The following RPGRIP1L variants were observed in gnomAD, a reference collection of about 807,000 sequenced individuals.
RPGRIP1L encodes the protein RPGRIP1 like.
RPGRIP1L carries 131 observed loss-of-function variants against 160.4 expected under a neutral mutation model. The observed-to-expected ratio is 0.82, with a 90% confidence interval of 0.71 to 0.94. RPGRIP1L has a LOEUF of 0.94. Among genes scored for constraint, RPGRIP1L ranks in the 40% least tolerant of loss-of-function variants. The pLI is 0.00. For synonymous variants in RPGRIP1L, 510 were observed against 515.8 expected, an observed-to-expected ratio of 0.99 and a Z score of 0.15; for missense variants, 1,522 against 1,535.8, an observed-to-expected ratio of 0.99 and a Z score of 0.15.
Position 53,658,803 on chromosome 16 carries a change from T to C in RPGRIP1L, c.1319A>G (p.Glu440Gly). 1 of 1,607,758 alleles carries C rather than the reference T, an allele frequency of 6.2e-7. No homozygotes were observed. Among genetic ancestry groups the C allele is most frequent in the Non-Finnish European group, 8.5e-7 (1 of 1,175,982 alleles). Reference sequence around the variant, plus strand: ...GTACAATTTTATGCGTTTTTTAAGTTCATCAAGTTGTTGCTTTTGTTCCAG... The same window carrying C: ...GTACAATTTTATGCGTTTTTTAAGTCCATCAAGTTGTTGCTTTTGTTCCAG... ...QYLEQKQQLD[E>G]LKKRIKLYNQ... The change falls in exon 11 of 27, where the codon GAA becomes GGA. Residue 440 changes from glutamate (E) to glycine (G), a missense_variant. By Grantham distance (98) the Glu-to-Gly change is moderately conservative. Transcript: ENST00000647211.
At chr16:53,630,181 A>T (rs952276460) in intron 22 of RPGRIP1L, among the ~76,000 whole-genome samples, 11 of 152,088 alleles carry the variant, frequency 7.2e-5, no homozygotes, top group African/African-American at 2.4e-4. Flanking sequence ...AGTAGCTAGG[A>T]CTACAAGCAT....
chr16:53,618,568 G>A (rs1401960942), intron 24 of RPGRIP1L, among the ~76,000 whole-genome samples: 1 of 151,964 alleles, frequency 6.6e-6, no homozygotes, highest in East Asian at 1.9e-4. Context: ...TTTTGAGACA[G>A]GGTCTCACTT....
At chr16:53,640,074 G>C (rs777174899) in intron 19 of RPGRIP1L, among the ~76,000 whole-genome samples, 9 of 152,158 alleles carry the variant, frequency 5.9e-5, no homozygotes, top group Non-Finnish European at 1.3e-4. Flanking sequence ...TCTGAATACA[G>C]TATATATTTT....
chr16:53,688,046 TATAATAAAATCTCTTAAGTATTAAGAG>T, intron 4 of RPGRIP1L, 81 bp from the exon 5 acceptor site: 1 of 865,370 alleles, frequency 1.2e-6, no homozygotes, highest in Non-Finnish European at 1.9e-6. Context: ...TAAGGATATT[TATAATAAAATCTCTTAAGTATTAAGAG>T]GTATGTGTTT....
rs1301366385 is a variant in RPGRIP1L, at chr16:53,700,624, A to G, written c.85+15T>C. On this transcript the variant is annotated intron_variant, in intron 2 of 26. Coordinates refer to ENST00000647211, the MANE Select transcript of RPGRIP1L (RefSeq NM_015272.5). The stretch of plus-strand genomic sequence containing the variant: ...ATCAAAGTTCATAACTGTAATAAAT[A>G]ACAGCTGGCCATACCTTGTAACCCT... The G allele has an allele frequency of 6.3e-7, 1 of 1,592,124 alleles. No homozygotes were observed. Among genetic ancestry groups the G allele is most frequent in the Admixed American group, 1.7e-5 (1 of 59,718 alleles).
intron 2 of RPGRIP1L, among the ~76,000 whole-genome samples, chr16:53,698,293 C>A (rs1482837468): frequency 3.3e-5 from 5 of 150,572 alleles, no homozygotes; most frequent in African/African-American, 9.8e-5. Flanking sequence ...CCCGCCAGGC[C>A]AGCCGCCCCG....
chr16:53,697,920 C>T (rs555291816), intron 2 of RPGRIP1L, among the ~76,000 whole-genome samples: 4 of 150,402 alleles, frequency 2.7e-5, no homozygotes, highest in Admixed American at 6.6e-5. Context: ...AAGTGAGGAG[C>T]GCCTCTTCCC....
intron 22 of RPGRIP1L, among the ~76,000 whole-genome samples, chr16:53,625,213 G>A (rs980447038): frequency 8.6e-5 from 13 of 151,654 alleles, no homozygotes; most frequent in Non-Finnish European, 1.9e-4. Flanking sequence ...GAGCGTCTCT[G>A]CCTGGCCACC....
At chr16:53,625,874 T>C (rs905935790) in intron 22 of RPGRIP1L, among the ~76,000 whole-genome samples, 2 of 152,040 alleles carry the variant, frequency 1.3e-5, no homozygotes, top group South Asian at 4.1e-4. Flanking sequence ...ACATGTGCTG[T>C]GTCAACTCAG....
chr16:53,702,806 C>A (rs1407328704), intron 1 of RPGRIP1L, among the ~76,000 whole-genome samples: 1 of 151,900 alleles, frequency 6.6e-6, no homozygotes, highest in African/African-American at 2.4e-5. Context: ...GTGCGTGCCA[C>A]CAAGCATGGC....
rs541614933 is a variant in RPGRIP1L, at chr16:53,600,866, T to C, written c.*1210A>G. The C allele has an allele frequency of 1.3e-5, 2 of 152,746 alleles. No homozygotes were observed. The highest frequency in any genetic ancestry group is 2.9e-5 in the Non-Finnish European group (2 of 68,030). The allele number at this position is 152,746 out of a possible 1,614,324, so 9.5% of individuals were successfully genotyped here. A position where few individuals can be genotyped will look rare whatever the true frequency, so the allele number is the denominator to read the frequency against. On this transcript the variant is annotated 3_prime_UTR_variant, in exon 27 of 27. Coordinates refer to ENST00000647211, the MANE Select transcript of RPGRIP1L (RefSeq NM_015272.5). Reference sequence around the variant, plus strand: ...ATCACTGAAGCAGAGATTTAATATATCACGGCAAATTAGGTAGATTTTAAT... The same window carrying C: ...ATCACTGAAGCAGAGATTTAATATACCACGGCAAATTAGGTAGATTTTAAT...
intron 7 of RPGRIP1L, among the ~76,000 whole-genome samples, chr16:53,673,348 T>C (rs1443373771): frequency 2.6e-5 from 4 of 152,276 alleles, no homozygotes; most frequent in East Asian, 3.9e-4. Flanking sequence ...TGTGGTTACA[T>C]TGGTTGGACA....
chr16:53,606,104 A>G (rs980154025), intron 25 of RPGRIP1L, among the ~76,000 whole-genome samples: 1 of 152,258 alleles, frequency 6.6e-6, no homozygotes, highest in African/African-American at 2.4e-5. Context: ...TCATGCTCCC[A>G]GGGTAACATT....
chr16:53,630,686 A>C (rs1965464523), intron 22 of RPGRIP1L, among the ~76,000 whole-genome samples: 1 of 152,186 alleles, frequency 6.6e-6, no homozygotes, highest in African/African-American at 2.4e-5. Context: ...AGCAATTTCT[A>C]CTAGGAGAGT....
intron 26 of RPGRIP1L, among the ~76,000 whole-genome samples, chr16:53,604,199 A>C (rs1302254753): frequency 6.6e-6 from 1 of 152,190 alleles, no homozygotes; most frequent in Non-Finnish European, 1.5e-5. Flanking sequence ...TCCCAGAAGA[A>C]GTTTTTAATT....
rs190475762 is a variant in RPGRIP1L, at chr16:53,603,782, T to G, written c.3836-1594A>C. Reference sequence around the variant, plus strand: ...AGAGTTAGGTGCAGAAACTGAGCATTGGGTAAGTGAAAATGGCATGAGTGG... The same window carrying G: ...AGAGTTAGGTGCAGAAACTGAGCATGGGGTAAGTGAAAATGGCATGAGTGG... On this transcript the variant is annotated intron_variant, in intron 26 of 26. Transcript: ENST00000647211. 3.9e-5 allele frequency among the ~76,000 whole-genome samples: 6 copies of G among 151,998 alleles called. No individual in the cohort carries two copies. The East Asian group carries it at 1.2e-3, about 29-fold the overall frequency.
chr16:53,703,857 G>C lies in RPGRIP1L; in HGVS notation c.-62C>G. On this transcript the variant is annotated 5_prime_UTR_variant, in exon 1 of 27. Coordinates refer to ENST00000647211, the MANE Select transcript of RPGRIP1L (RefSeq NM_015272.5). The stretch of plus-strand genomic sequence containing the variant: ...TTGCTATAGCGCCGACAGCGTGGCG[G>C]GCGGCTGGCCGAGAGGAGCACGGGA... The C allele has an allele frequency of 4.0e-6, 2 of 504,874 alleles. No homozygotes were observed. The highest frequency in any genetic ancestry group is 7.1e-5 in the East Asian group (2 of 27,986). 31.3% of individuals were successfully genotyped at this position (504,874 alleles called of 1,614,324 possible).
At chr16:53,668,234 G>C (rs1227992287) in intron 9 of RPGRIP1L, among the ~76,000 whole-genome samples, 1 of 152,160 alleles carries the variant, frequency 6.6e-6, no homozygotes, top group Non-Finnish European at 1.5e-5. Flanking sequence ...GAGATTTTAT[G>C]GTTTCTAGAA....
chr16:53,691,690 C>T (rs1297064818), intron 4 of RPGRIP1L, among the ~76,000 whole-genome samples: 1 of 152,182 alleles, frequency 6.6e-6, no homozygotes, highest in South Asian at 2.1e-4. Context: ...TCGAAAAGGT[C>T]TTTGGATGAA....
Sources: allele counts gnomAD v4.1 joint callset (sites outside exome capture counted in the v4.1 genomes callset), GRCh38; gene constraint gnomAD v4.1.1; transcripts MANE v1.5; gene names NCBI Gene and HGNC (gene_info 2026-07-23, HGNC 2026-07-21).